The following PLGRKT variants were observed in gnomAD, a reference collection of about 807,000 sequenced individuals.
PLGRKT encodes plasminogen receptor (KT).
In PLGRKT, 22 loss-of-function variants were observed where a neutral mutation model predicts 18.5. The observed-to-expected ratio is 1.19, with a 90% CI of 0.85 to 1.70. PLGRKT has a LOEUF of 1.70. Ranked by LOEUF, PLGRKT falls within the 40% of genes most tolerant of loss-of-function variation. The pLI is 0.00. For missense variants in PLGRKT, 235 were observed against 174.4 expected (o/e 1.35, Z -1.96); for synonymous variants, 72 against 52.8 (o/e 1.36, Z -1.58).
At chr9:5,433,766 G>C (rs530234030) in intron 2 of PLGRKT, among the ~76,000 whole-genome samples, 1 of 132,716 alleles carries the variant, frequency 7.5e-6, no homozygotes, top group African/African-American at 2.9e-5. Flanking sequence ...CGGCTGCCCC[G>C]TCTGGGATGT....
rs1213548349 is a variant in PLGRKT, at chr9:5,431,902, G to T, written c.76C>A (p.Leu26Ile). The T allele has an allele frequency of 1.4e-6, 2 of 1,460,582 alleles. No homozygotes were observed. Among genetic ancestry groups the T allele is most frequent in the Admixed American group, 1.7e-5 (1 of 59,154 alleles). 90.5% of individuals were successfully genotyped at this position (1,460,582 alleles called of 1,614,324 possible). A position where few individuals can be genotyped will look rare whatever the true frequency, so the allele number is the denominator to read the frequency against. Residue 26 changes from leucine (L) to isoleucine (I), a missense_variant, in exon 3 of 6, where the codon CTT (leucine) becomes ATT (isoleucine). By Grantham distance (5) the Leu-to-Ile change is conservative. Coordinates refer to ENST00000223864, the MANE Select transcript of PLGRKT (RefSeq NM_018465.4). ...TTAATTATTTTAAAACATACCTGAA[G>T]TCGAGCATTCATAAGCATGAACTCC... ...QKEFMLMNAR[L>I]QLERQLIMQS... is the part of the protein sequence containing the mutation.
chr9:5,397,831 C>T (rs1818082304), intron 3 of PLGRKT, among the ~76,000 whole-genome samples: 1 of 151,990 alleles, frequency 6.6e-6, no homozygotes, highest in Admixed American at 6.6e-5. Flanking sequence ...GCTCAGCACA[C>T]TTTAGTTTGT....
intron 3 of PLGRKT, among the ~76,000 whole-genome samples, chr9:5,382,479 G>A (rs1461610662): frequency 6.6e-6 from 1 of 152,170 alleles, no homozygotes; most frequent in Non-Finnish European, 1.5e-5. Context: ...GAACAGCATG[G>A]GCCAAAGCCT....
At chr9:5,429,385 G>A (rs1195073462) in intron 3 of PLGRKT, among the ~76,000 whole-genome samples, 2 of 152,150 alleles carry the variant, frequency 1.3e-5, no homozygotes, top group Non-Finnish European at 2.9e-5. Flanking sequence ...TAGTTTGCTG[G>A]GGCTGCCATA....
chr9:5,360,637 T>C (rs1239896147), intron 5 of PLGRKT, among the ~76,000 whole-genome samples: 1 of 152,140 alleles, frequency 6.6e-6, no homozygotes, highest in African/African-American at 2.4e-5. Context: ...AACTGGACTG[T>C]AGCTGTATTT....
At chr9:5,397,661 C>T (rs3858045) in intron 3 of PLGRKT, among the ~76,000 whole-genome samples, 85,717 of 151,044 alleles carry the variant, frequency 0.57, 25,654 homozygotes, top group African/African-American at 0.75. Context: ...AAGCAATGGT[C>T]AGTGGCTTGG....
At chr9:5,420,146 C>A (rs1260359539) in intron 3 of PLGRKT, among the ~76,000 whole-genome samples, 1 of 152,164 alleles carries the variant, frequency 6.6e-6, no homozygotes, top group African/African-American at 2.4e-5. Flanking sequence ...TCTATGATTT[C>A]ATTTACAGAA....
At chr9:5,379,288 G>C (rs185316972) in intron 3 of PLGRKT, among the ~76,000 whole-genome samples, 8 of 152,264 alleles carry the variant, frequency 5.3e-5, no homozygotes, top group Non-Finnish European at 1.0e-4. Flanking sequence ...CTCATTGTAA[G>C]ATTTCCTTGG....
chr9:5,373,515 T>C (rs183153163), intron 3 of PLGRKT, among the ~76,000 whole-genome samples: 1 of 152,226 alleles, frequency 6.6e-6, no homozygotes, highest in African/African-American at 2.4e-5. Flanking sequence ...TATGAGAAAA[T>C]TAGGCTGAGC....
At chr9:5,406,331 T>G (rs1818256501) in intron 3 of PLGRKT, among the ~76,000 whole-genome samples, 1 of 152,174 alleles carries the variant, frequency 6.6e-6, no homozygotes, top group African/African-American at 2.4e-5. Context: ...GCAGCACTAT[T>G]CACAATAGCA....
At position 5,390,711 on chromosome 9, in the gene PLGRKT, T is replaced by C. The variant is rs1271383924; in HGVS notation, c.82-28823A>G. 2.0e-5 allele frequency among the ~76,000 whole-genome samples: 3 copies of C among 151,862 alleles called. 1 individual carries two copies. The highest frequency in any genetic ancestry group is 4.9e-5 in the African/African-American group (2 of 41,146). The stretch of plus-strand genomic sequence containing the variant: ...CTTCCCCAATGTACCCAGTCACTCC[T>C]ACCTTGCAAGGCTGTTGTGTGACTT... On this transcript the variant is annotated intron_variant, in intron 3 of 5. Coordinates refer to ENST00000223864, the MANE Select transcript of PLGRKT (RefSeq NM_018465.4).
chr9:5,380,506 T>C (rs1817721986), intron 3 of PLGRKT, among the ~76,000 whole-genome samples: 1 of 152,212 alleles, frequency 6.6e-6, no homozygotes, highest in African/African-American at 2.4e-5. Context: ...GATTTGGATG[T>C]TACTATCATC....
intron 3 of PLGRKT, among the ~76,000 whole-genome samples, chr9:5,365,827 G>C (rs1004331604): frequency 1.3e-5 from 2 of 152,026 alleles, no homozygotes; most frequent in East Asian, 3.8e-4. Context: ...TCAAATTTAA[G>C]TATATTTAAA....
intron 3 of PLGRKT, among the ~76,000 whole-genome samples, chr9:5,386,065 T>C (rs1374336643): frequency 6.6e-6 from 1 of 151,824 alleles, no homozygotes. Flanking sequence ...CTGTGGGACC[T>C]GAGGACAAGG....
chr9:5,396,347 G>A (rs1818048222), intron 3 of PLGRKT, among the ~76,000 whole-genome samples: 1 of 151,350 alleles, frequency 6.6e-6, no homozygotes, highest in African/African-American at 2.4e-5. Flanking sequence ...GTACAATGGT[G>A]TGATCTCGGC....
chr9:5,404,248 G>T (rs1189587340), intron 3 of PLGRKT, among the ~76,000 whole-genome samples: 1 of 152,084 alleles, frequency 6.6e-6, no homozygotes, highest in Non-Finnish European at 1.5e-5. Flanking sequence ...CAATTGAAAA[G>T]GAGGGACCCC....
chr9:5,360,553 T>A (rs1405711964), intron 5 of PLGRKT, among the ~76,000 whole-genome samples: 1 of 152,246 alleles, frequency 6.6e-6, no homozygotes, highest in African/African-American at 2.4e-5. Context: ...AGCCTTGATT[T>A]GGCAACAACA....
At chr9:5,429,736 G>C (rs893180656) in intron 3 of PLGRKT, among the ~76,000 whole-genome samples, 2 of 152,174 alleles carry the variant, frequency 1.3e-5, no homozygotes, top group African/African-American at 2.4e-5. Flanking sequence ...ATCACATTCT[G>C]AAGTACTATA....
At chr9:5,375,026 AC>A (rs1219892959) in intron 3 of PLGRKT, among the ~76,000 whole-genome samples, 1 of 152,208 alleles carries the variant, frequency 6.6e-6, no homozygotes, top group Non-Finnish European at 1.5e-5. Context: ...CCACGCCCCA[AC>A]TTCAAAGTAA....
Sources: allele counts gnomAD v4.1 joint callset (sites outside exome capture counted in the v4.1 genomes callset), GRCh38; gene constraint gnomAD v4.1.1; transcripts MANE v1.5; gene names NCBI Gene and HGNC (gene_info 2026-07-23, HGNC 2026-07-21).